The following PROX2 variants were observed in gnomAD, a reference collection of about 807,000 sequenced individuals.
PROX2 encodes the protein prospero homeobox 2.
PROX2 carries 46 observed loss-of-function variants against 48.9 expected under a neutral mutation model. The ratio of observed to expected loss-of-function variants is 0.94; its 90% CI spans 0.74 to 1.20. The LOEUF (loss-of-function observed/expected upper bound fraction) is 1.20. PROX2 is among the 50% of genes most tolerant of loss of function. PROX2 has a pLI of 0.00. For synonymous variants in PROX2, 260 were observed against 276.6 expected (o/e 0.94, Z 0.60); for missense variants, 663 against 719.4 (o/e 0.92, Z 0.90).
intron 1 of PROX2, chr14:74,871,815 G>A (rs1356867692): frequency 6.5e-6 from 1 of 152,786 alleles, no homozygotes; most frequent in African/African-American, 2.4e-5. Context: ...GAAGTTGTGT[G>A]TTGTCTCCTT....
At chr14:74,861,091 G>T in intron 3 of PROX2, 3 of 606,566 alleles carry the variant, frequency 4.9e-6, no homozygotes, top group South Asian at 2.9e-5. Flanking sequence ...CTTTTGACCG[G>T]CAGGGGGCGC....
At chr14:74,874,603 G>A (rs1465891403) in intron 1 of PROX2, among the ~76,000 whole-genome samples, 1 of 151,964 alleles carries the variant, frequency 6.6e-6, no homozygotes. Context: ...ACCTAACTCA[G>A]TTTTCATTTT....
chr14:74,863,095 A>G lies in PROX2; in HGVS notation c.740T>C (p.Leu247Ser). Residue 247 changes from leucine (L) to serine (S), a missense_variant, in exon 3 of 6, where the codon TTG becomes TCG. Leu to Ser is a moderately radical substitution (Grantham distance 145, BLOSUM62 -2). Transcript: ENST00000556489. ...AVDSVLQKVL[L>S]DPPGHLTQLG... ...CTGAGTCAGGTGGCCTGGTGGATCCAATAGTACCTTTTGTAATACCGAGTC... is the reference window on the plus strand; with the variant it reads ...CTGAGTCAGGTGGCCTGGTGGATCCGATAGTACCTTTTGTAATACCGAGTC... 1 of 1,613,962 alleles carries G rather than the reference A, an allele frequency of 6.2e-7. No individual in the cohort carries two copies. The highest frequency in any genetic ancestry group is 8.5e-7 in the Non-Finnish European group (1 of 1,179,868).
intron 3 of PROX2, among the ~76,000 whole-genome samples, chr14:74,861,487 A>G (rs1316151904): frequency 6.6e-6 from 1 of 152,192 alleles, no homozygotes; most frequent in African/African-American, 2.4e-5. Context: ...TTTTTCTTCT[A>G]ACTCAACAAT....
At chr14:74,865,208 T>G (rs892037880) in intron 2 of PROX2, 2 of 151,574 alleles carry the variant, frequency 1.3e-5, no homozygotes, top group African/African-American at 4.8e-5. Flanking sequence ...AAAATCAGAT[T>G]ACGCATTCAC....
chr14:74,864,397 T>A (rs559449438), intron 2 of PROX2, among the ~76,000 whole-genome samples: 1 of 152,316 alleles, frequency 6.6e-6, no homozygotes, highest in Admixed American at 6.5e-5. Flanking sequence ...GCCTATTGTC[T>A]ACAGATAAGA....
In PROX2 at chr14:74,862,846, G is replaced by T. The variant is rs769244492; in HGVS notation, c.989C>A (p.Ala330Glu). 1.9e-6 allele frequency: 3 copies of T among 1,613,990 alleles called. No individual in the cohort carries two copies. The highest frequency in any genetic ancestry group is 1.1e-5 in the South Asian group (1 of 91,084). The change falls in exon 3 of 6, where the codon GCA (alanine) becomes GAA (glutamate). Residue 330 changes from alanine (A) to glutamate (E), a missense_variant. By Grantham distance (107) the Ala-to-Glu change is moderately radical. Transcript: ENST00000556489. ...GGAAGGTGCAGTCAAGGGAAAGTTT[G>T]CTGGGGGATCCTGACAGGGTTTGGG... is the stretch of plus-strand genomic sequence containing the variant. ...MTPKPCQDPP[A>E]NFPLTAPSHI...
chr14:74,870,439 A>ATACACACACACACAC (rs1555371979), intron 2 of PROX2, among the ~76,000 whole-genome samples: 140 of 29,932 alleles, frequency 4.7e-3, no homozygotes, highest in African/African-American at 0.031. Flanking sequence ...AAAAAAAAAA[A>ATACACACACACACAC]ATACACACAC....
At chr14:74,857,275 T>G in intron 4 of PROX2, 1 of 312,786 alleles carries the variant, frequency 3.2e-6, no homozygotes, top group Non-Finnish European at 5.9e-6. Flanking sequence ...TTTTGTGGTG[T>G]TTGAGTGGGA....
intron 2 of PROX2, among the ~76,000 whole-genome samples, chr14:74,869,585 T>C (rs956961260): frequency 6.6e-6 from 1 of 152,198 alleles, no homozygotes; most frequent in Non-Finnish European, 1.5e-5. Flanking sequence ...ATCTCAACTT[T>C]TACTCTGTGT....
chr14:74,873,713 G>C, intron 1 of PROX2: 1 of 455,548 alleles, frequency 2.2e-6, no homozygotes, highest in South Asian at 1.7e-5. Context: ...AGGAACTAGA[G>C]AGTCACCTGC....
chr14:74,869,185 A>T (rs1044098482), intron 2 of PROX2, among the ~76,000 whole-genome samples: 1 of 152,174 alleles, frequency 6.6e-6, no homozygotes, highest in Non-Finnish European at 1.5e-5. Context: ...AAAGGCTGAG[A>T]CTACGTTAAA....
At chr14:74,868,350 T>A (rs1883124770) in intron 2 of PROX2, among the ~76,000 whole-genome samples, 1 of 110,326 alleles carries the variant, frequency 9.1e-6, no homozygotes, top group Non-Finnish European at 1.9e-5. Context: ...TATATATATA[T>A]ATATATATAT....
intron 1 of PROX2, among the ~76,000 whole-genome samples, chr14:74,873,471 AG>A (rs1026996737): frequency 1.3e-5 from 2 of 151,892 alleles, no homozygotes; most frequent in Admixed American, 6.6e-5. Context: ...CTTTCCTCCT[AG>A]GGGGGGTTCA....
rs368765044 is a variant in PROX2, at chr14:74,858,435, A to G, written c.1385T>C (p.Leu462Pro). ...FFFTRYPSSN[L>P]LKVYFPDVQF... ...AACATCAGGAAAATAAACCTTCAGG[A>G]GGTTGGAGCTGGGATATCGTGTGAA... Residue 462 changes from leucine to proline, a missense_variant, in exon 4 of 6, where the codon CTC (leucine) becomes CCC (proline). Physicochemically the swap from Leu to Pro is moderately conservative, Grantham distance 98 (BLOSUM62 -3). Coordinates refer to ENST00000556489, the MANE Select transcript of PROX2 (RefSeq NM_001243007.2). The G allele has an allele frequency of 6.3e-7, 1 of 1,581,504 alleles. No individual in the cohort carries two copies. The highest frequency in any genetic ancestry group is 8.6e-7 in the Non-Finnish European group (1 of 1,162,172).
rs577643863 is a variant in PROX2 at position 74,854,365 on chromosome 14, G to T, written c.*767C>A. 26 of 334,702 alleles carry T rather than the reference G, an allele frequency of 7.8e-5. No individual in the cohort carries two copies. The East Asian group carries it at 2.3e-3, about 29-fold the overall frequency. 20.7% of individuals were successfully genotyped at this position (334,702 alleles called of 1,614,324 possible). A position where few individuals can be genotyped will look rare whatever the true frequency, so the allele number is the denominator to read the frequency against. ...TGAAGTGCTCCTAAGTGCTGGGCAG[G>T]AGTTGTCAGGTGACGGTGCCCTGTC... On this transcript the variant is annotated 3_prime_UTR_variant, in exon 6 of 6. Transcript: ENST00000556489.
chr14:74,856,480 C>G (rs1368652382), intron 5 of PROX2: 1 of 259,736 alleles, frequency 3.9e-6, no homozygotes, highest in Non-Finnish European at 7.4e-6. Context: ...AGTCCTGAGC[C>G]TCCTGGCACT....
intron 5 of PROX2, 151 bp from the exon 6 acceptor site, chr14:74,855,453 C>G: frequency 2.1e-6 from 1 of 470,618 alleles, no homozygotes; most frequent in Non-Finnish European, 3.6e-6. Flanking sequence ...AACCCTAGGA[C>G]TCCTCTGCTT....
At chr14:74,865,094 G>A (rs1460547214) in intron 2 of PROX2, among the ~76,000 whole-genome samples, 4 of 147,362 alleles carry the variant, frequency 2.7e-5, no homozygotes, top group Non-Finnish European at 4.5e-5. Context: ...GCAGTGAGCC[G>A]AGATTGTTCC....
Sources: allele counts gnomAD v4.1 joint callset (sites outside exome capture counted in the v4.1 genomes callset), GRCh38; gene constraint gnomAD v4.1.1; transcripts MANE v1.5; gene names NCBI Gene and HGNC (gene_info 2026-07-23, HGNC 2026-07-21).